Variants in RALGDS observed in about 807,000 individuals in gnomAD.
RALGDS encodes the protein ral guanine nucleotide dissociation stimulator.
A neutral mutation model predicts 99.8 loss-of-function variants in RALGDS; 44 were observed. The ratio of observed to expected loss-of-function variants is 0.44; its 90% CI spans 0.35 to 0.57. The LOEUF (loss-of-function observed/expected upper bound fraction) is 0.57. Among genes scored for constraint, RALGDS ranks in the 20% least tolerant of loss-of-function variants. The pLI is 0.01. For missense variants in RALGDS, 1,022 were observed against 1,203.1 expected (o/e 0.85, Z 2.23); for synonymous variants, 529 against 505.0 (o/e 1.05, Z -0.64).
intron 1 of RALGDS, among the ~76,000 whole-genome samples, chr9:133,126,743 GA>G (rs1467251628): frequency 6.6e-6 from 1 of 152,246 alleles, no homozygotes; most frequent in Non-Finnish European, 1.5e-5. Flanking sequence ...CTGAGCCCAA[GA>G]ACCAAGAGTG....
chr9:133,109,589 G>A lies in RALGDS; in HGVS notation c.584+37C>T, dbSNP rs377270270. 6.8e-4 allele frequency: 1,066 copies of A among 1,560,364 alleles called. 1 individual carries two copies. The highest frequency in any genetic ancestry group is 8.9e-4 in the Non-Finnish European group (1,002 of 1,131,502). ...ATGTACTCTCCCACTGTTCGGTGGG[G>A]ACAGGGTCCCTTCCTCTTGGCTCAA... On this transcript the variant is annotated intron_variant, in intron 4 of 17. Transcript: ENST00000372050.
chr9:133,147,200 T>C (rs1229409649), intron 1 of RALGDS, among the ~76,000 whole-genome samples: 1 of 152,136 alleles, frequency 6.6e-6, no homozygotes, highest in Non-Finnish European at 1.5e-5. Flanking sequence ...CTGAGCCTTC[T>C]CCATCACACT....
At position 133,102,809 on chromosome 9, in the gene RALGDS, C is replaced by G; in HGVS notation, c.1883G>C (p.Arg628Pro). ...APDEQFGAWFRAVERLSETES... is the reference protein window; with the variant it reads ...APDEQFGAWFPAVERLSETES... ...AGTCTCGCTGAGCCGCTCCACGGCC[C>G]GGAACCAGGCCCCAAATTGCTCATC... The change falls in exon 13 of 18, where the codon CGG (arginine) becomes CCG (proline). Residue 628 changes from arginine (R) to proline (P), a missense_variant. Coordinates refer to ENST00000372050, the MANE Select transcript of RALGDS (RefSeq NM_006266.4). 6.2e-7 allele frequency: 1 copy of G among 1,613,260 alleles called. No homozygotes were observed.
At chr9:133,135,982 T>C (rs1223621890), upstream of RALGDS, among the ~76,000 whole-genome samples, 3 of 152,082 alleles carry the variant, frequency 2.0e-5, no homozygotes, top group African/African-American at 7.2e-5. Flanking sequence ...ATTTCTCTAC[T>C]GAAGGAGATG....
chr9:133,100,277 C>G lies in RALGDS; in HGVS notation c.2560G>C (p.Asp854His). 3 of 1,614,208 alleles carry G rather than the reference C, an allele frequency of 1.9e-6. No individual in the cohort carries two copies. Among genetic ancestry groups the G allele is most frequent in the Non-Finnish European group, 2.5e-6 (3 of 1,180,000 alleles). ...TGGTCTTCTGACTTACTCCGGTCAT[C>G]TGAGAGAATCTGCAGCAGCTCATAG... is the stretch of plus-strand genomic sequence containing the variant. ...EDYELLQILS[D>H]DRKLKIPENA... Residue 854 changes from aspartate (D) to histidine (H), a missense_variant, in exon 17 of 18, where the codon GAT becomes CAT. Physicochemically the swap from Asp to His is moderately conservative, Grantham distance 81. Coordinates refer to ENST00000372050, the MANE Select transcript of RALGDS (RefSeq NM_006266.4).
intron 14 of RALGDS, 42 bp from the exon 15 acceptor site, chr9:133,102,181 C>T (rs754629673): frequency 6.5e-7 from 1 of 1,541,204 alleles, no homozygotes; most frequent in South Asian, 1.2e-5. Context: ...TCCCCAAGGA[C>T]ACATCCCAAC....
At chr9:133,132,536 G>A (rs1327688352), upstream of RALGDS, among the ~76,000 whole-genome samples, 1 of 152,186 alleles carries the variant, frequency 6.6e-6, no homozygotes, top group African/African-American at 2.4e-5. Context: ...GCCTAGCCCC[G>A]TAGAAGGGCT....
chr9:133,122,920 T>C (rs1244751356), upstream of RALGDS, among the ~76,000 whole-genome samples: 1 of 152,178 alleles, frequency 6.6e-6, no homozygotes, highest in Non-Finnish European at 1.5e-5. Context: ...GCCAGGCTGA[T>C]CTTGAACTCC....
intron 1 of RALGDS, 91 bp from the exon 2 acceptor site, chr9:133,112,243 C>T: frequency 2.4e-6 from 2 of 837,924 alleles, no homozygotes; most frequent in Non-Finnish European, 2.0e-6. Context: ...ACCTGTTTCC[C>T]AGATAGGGCA....
At position 133,108,199 on chromosome 9, in the gene RALGDS, G is replaced by C. The variant is rs768745857; in HGVS notation, c.986C>G (p.Pro329Arg). Reference protein sequence around the residue: ...PEPAVGLESAPAPALELEPAP... With the variant: ...PEPAVGLESARAPALELEPAP... Reference sequence around the variant, plus strand: ...TGGCTCTAGTTCCAGAGCTGGCGCTGGAGCCGATTCTAGTCCCACAGCTGG... The same window carrying C: ...TGGCTCTAGTTCCAGAGCTGGCGCTCGAGCCGATTCTAGTCCCACAGCTGG... Residue 329 changes from proline (P) to arginine (R), a missense_variant, in exon 6 of 18, where the codon CCA becomes CGA. By Grantham distance (103) the Pro-to-Arg change is moderately radical (BLOSUM62 -2). Transcript: ENST00000372050. 5.6e-6 allele frequency: 9 copies of C among 1,612,364 alleles called. No homozygotes were observed. The African/African-American group carries it at 8.1e-5, about 14-fold the overall frequency.
At chr9:133,116,182 A>G (rs952611616) in intron 1 of RALGDS, among the ~76,000 whole-genome samples, 7 of 152,242 alleles carry the variant, frequency 4.6e-5, no homozygotes, top group Admixed American at 1.3e-4. Flanking sequence ...CTCCAGCTCC[A>G]GGTGGGTGGA....
intron 1 of RALGDS, among the ~76,000 whole-genome samples, chr9:133,138,048 G>A (rs1344804714): frequency 2.0e-5 from 3 of 152,194 alleles, no homozygotes; most frequent in Non-Finnish European, 2.9e-5. Context: ...GCCCGGTGCC[G>A]CCACCAGCCT....
intron 1 of RALGDS, chr9:133,129,103 T>C: frequency 8.1e-6 from 7 of 866,828 alleles, no homozygotes; most frequent in South Asian, 1.4e-5. Flanking sequence ...ACCCAGCCCC[T>C]CCCCGGCAGA....
Position 133,108,005 on chromosome 9 carries a change from A to G in RALGDS, c.1180T>C (p.Phe394Leu), listed in dbSNP as rs941439753. ...CTGCTCACCGCATCCATCAGTGTAA[A>G]CTGCTCTGCCACCAGATCTGGAGGG... is the stretch of plus-strand genomic sequence containing the variant. ...VFPPDLVAEQFTLMDAELFKK... is the reference protein window; with the variant it reads ...VFPPDLVAEQLTLMDAELFKK... Residue 394 changes from phenylalanine to leucine, a missense_variant, in exon 6 of 18, where the codon TTT becomes CTT. Phe to Leu is a conservative substitution (Grantham distance 22). Transcript: ENST00000372050. 4.3e-6 allele frequency: 7 copies of G among 1,613,150 alleles called. No homozygotes were observed. In the African/African-American group the frequency reaches 9.3e-5, roughly 22 times the overall value.
chr9:133,113,653 C>A (rs1167843012), intron 1 of RALGDS, among the ~76,000 whole-genome samples: 5 of 152,232 alleles, frequency 3.3e-5, no homozygotes, highest in African/African-American at 1.2e-4. Flanking sequence ...CACATCTCTC[C>A]CCTGCCTAGA....
intron 1 of RALGDS, among the ~76,000 whole-genome samples, chr9:133,119,787 A>G (rs778187135): frequency 2.6e-5 from 4 of 151,868 alleles, no homozygotes; most frequent in Non-Finnish European, 5.9e-5. Flanking sequence ...TCAGGAGGAA[A>G]GGGTCTCTCA....
upstream of RALGDS, among the ~76,000 whole-genome samples, chr9:133,132,381 C>T (rs1007369652): frequency 3.1e-4 from 47 of 152,250 alleles, no homozygotes; most frequent in African/African-American, 1.1e-3. Flanking sequence ...GTGTTGCTGA[C>T]TGCCTGGCCA....
intron 17 of RALGDS, 142 bp downstream of exon 17, chr9:133,100,126 G>A (rs1830684267): frequency 1.3e-6 from 1 of 799,918 alleles, no homozygotes; most frequent in Non-Finnish European, 2.2e-6. Context: ...AGCAGACAAT[G>A]GGGGCAGCCA....
Position 133,108,503 on chromosome 9 carries a change from A to T in RALGDS, c.779-97T>A, listed in dbSNP as rs1404553758. 9.8e-6 allele frequency: 14 copies of T among 1,434,564 alleles called. 1 individual carries two copies. Among genetic ancestry groups the T allele is most frequent in the Middle Eastern group, 4.4e-4 (2 of 4,544 alleles). 88.9% of individuals were successfully genotyped at this position (1,434,564 alleles called of 1,614,324 possible). On this transcript the variant is annotated intron_variant, in intron 5 of 17. Transcript: ENST00000372050. ...GCTTCCAGAGAAGCCTCTCTCCCCGAACCCACAAAACGTGTACCAGGCCAC... is the reference window on the plus strand; with the variant it reads ...GCTTCCAGAGAAGCCTCTCTCCCCGTACCCACAAAACGTGTACCAGGCCAC...
Sources: allele counts gnomAD v4.1 joint callset (sites outside exome capture counted in the v4.1 genomes callset), GRCh38; gene constraint gnomAD v4.1.1; transcripts MANE v1.5; gene names NCBI Gene and HGNC (gene_info 2026-07-23, HGNC 2026-07-21).